The following BRSK2 variants were observed in gnomAD, a reference collection of about 807,000 sequenced individuals.
The protein encoded by BRSK2 is BR serine/threonine kinase 2.
Under a neutral mutation model 83.3 loss-of-function variants are expected in BRSK2, and 19 were observed. The ratio of observed to expected loss-of-function variants is 0.23; its 90% confidence interval spans 0.16 to 0.33. The LOEUF is 0.33. BRSK2 is among the 10% of genes least tolerant of loss of function. The pLI, the probability that BRSK2 is intolerant of heterozygous loss-of-function variation, is 1.00. For missense variants in BRSK2, 798 were observed against 1,042.3 expected (o/e 0.77, Z 3.23); for synonymous variants, 519 against 435.4 (o/e 1.19, Z -2.39).
chr11:1,396,270 ACCC>A (rs1846101738), intron 1 of BRSK2, among the ~76,000 whole-genome samples: 2 of 137,460 alleles, frequency 1.5e-5, no homozygotes, highest in Admixed American at 7.1e-5. Context: ...CTTCCCTTCC[ACCC>A]ACGTCCCCCA....
intron 1 of BRSK2, among the ~76,000 whole-genome samples, chr11:1,392,672 G>A (rs2134003463): frequency 6.6e-6 from 1 of 152,276 alleles, no homozygotes; most frequent in South Asian, 2.1e-4. Context: ...TGTGGGGAGG[G>A]GAGACCACGC....
chr11:1,411,596 A>G, intron 1 of BRSK2: 1 of 1,579,386 alleles, frequency 6.3e-7, no homozygotes, highest in African/African-American at 1.3e-5. Context: ...ACCTTCCTCA[A>G]GGCCAGACCT....
intron 1 of BRSK2, among the ~76,000 whole-genome samples, chr11:1,406,294 T>C (rs2134079919): frequency 6.6e-6 from 1 of 152,240 alleles, no homozygotes; most frequent in Admixed American, 6.5e-5. Context: ...AAACCCCATC[T>C]CTACTAAAAA....
chr11:1,450,436 C>T lies in BRSK2; in HGVS notation c.1288-151C>T, dbSNP rs957081380. On this transcript the variant is annotated intron_variant, in intron 13 of 19. Coordinates refer to ENST00000528841, the MANE Select transcript of BRSK2 (RefSeq NM_001256627.2). ...AGCCTCTGCAGGGCACCAAGTCCAACCCCTTCCCGGCCAGCACCCCAGCCC... is the reference window on the plus strand; with the variant it reads ...AGCCTCTGCAGGGCACCAAGTCCAATCCCTTCCCGGCCAGCACCCCAGCCC... The T allele has an allele frequency of 2.5e-5, 14 of 570,250 alleles. No individual in the cohort carries two copies. The African/African-American group carries it at 2.5e-4, about 10-fold the overall frequency. 35.3% of individuals were successfully genotyped at this position (570,250 alleles called of 1,614,324 possible). A position where few individuals can be genotyped will look rare whatever the true frequency, so the allele number is the denominator to read the frequency against.
rs750623215 is a variant in BRSK2, at chr11:1,450,782, C to T, written c.1483C>T (p.Arg495Trp). 6.9e-6 allele frequency: 11 copies of T among 1,594,428 alleles called. No individual in the cohort carries two copies. The highest frequency in any genetic ancestry group is 1.4e-5 in the African/African-American group (1 of 73,742). ...SFLGSPRFHR[R>W]KLQVPTPEEM... Reference sequence around the variant, plus strand: ...TCTGGGCTCACCCCGCTTCCACCGCCGGAAACTGCAAGGTGAGTGTCTGCC... The same window carrying T: ...TCTGGGCTCACCCCGCTTCCACCGCTGGAAACTGCAAGGTGAGTGTCTGCC... Residue 495 changes from arginine to tryptophan, a missense_variant, in exon 14 of 20, where the codon CGG (arginine) becomes TGG (tryptophan). Physicochemically the swap from Arg to Trp is moderately radical, Grantham distance 101 (BLOSUM62 -3). This residue lies in a region of BRSK2 where 455 missense variants were observed against 455.2 expected (regional missense o/e 1.00). Coordinates refer to ENST00000528841, the MANE Select transcript of BRSK2 (RefSeq NM_001256627.2).
intron 1 of BRSK2, among the ~76,000 whole-genome samples, chr11:1,399,899 G>A (rs957934520): frequency 4.3e-5 from 2 of 46,916 alleles, no homozygotes; most frequent in Non-Finnish European, 8.1e-5. Flanking sequence ...GGGTCCTGGT[G>A]TTTTCACATA....
Position 1,459,183 on chromosome 11 carries a change from G to C in BRSK2, c.1940-9G>C. ...ACTCCCTCCCTCCTCTCTCCATTCT[G>C]TACTCCAGACACCACTAACTGTATG... On this transcript the variant is annotated splice_polypyrimidine_tract_variant and intron_variant, in intron 18 of 19. Coordinates refer to ENST00000528841, the MANE Select transcript of BRSK2 (RefSeq NM_001256627.2). 6.2e-7 allele frequency: 1 copy of C among 1,613,574 alleles called. No individual in the cohort carries two copies. Among genetic ancestry groups the C allele is most frequent in the Non-Finnish European group, 8.5e-7 (1 of 1,179,688 alleles).
At chr11:1,450,820 A>C (rs61869028) in intron 14 of BRSK2, 26 bp downstream of exon 14, 8 of 1,569,758 alleles carry the variant, frequency 5.1e-6, no homozygotes, top group Non-Finnish European at 6.0e-6. Flanking sequence ...GAGGCGCCAG[A>C]GTGGGGCTGG....
At chr11:1,415,234 A>G (rs1188036533) in intron 1 of BRSK2, among the ~76,000 whole-genome samples, 1 of 151,456 alleles carries the variant, frequency 6.6e-6, no homozygotes, top group Non-Finnish European at 1.5e-5. Context: ...AGCTGGGACT[A>G]CAGGCGCTCA....
chr11:1,453,600 C>T (rs1251637298), intron 15 of BRSK2, among the ~76,000 whole-genome samples: 1 of 152,192 alleles, frequency 6.6e-6, no homozygotes, highest in African/African-American at 2.4e-5. Context: ...GACCTGGTCC[C>T]CGTGCTTGTC....
rs746594483 is a variant in BRSK2 at position 1,438,679 on chromosome 11, GT to G, written c.272+291del. On this transcript the variant is annotated intron_variant, in intron 3 of 19. Coordinates refer to ENST00000528841, the MANE Select transcript of BRSK2 (RefSeq NM_001256627.2). This position sits in a 1 kb window ranked among gnomAD's most constrained non-coding sequence, Gnocchi z 6.4. ...AGGACCTTCTGGAGGGGAGATAGGA[GT>G]TTCAGGGCAAGGGGCAGGAGCACCT... 1.1e-4 allele frequency among the ~76,000 whole-genome samples: 16 copies of G among 152,148 alleles called. No homozygotes were observed. Among genetic ancestry groups the G allele is most frequent in the Non-Finnish European group, 2.1e-4 (14 of 67,992 alleles).
chr11:1,398,306 G>A (rs1029341315), intron 1 of BRSK2, among the ~76,000 whole-genome samples: 3 of 152,180 alleles, frequency 2.0e-5, no homozygotes, highest in African/African-American at 7.2e-5. Flanking sequence ...TGCTGCCTGA[G>A]CTGCCTGGTT....
At chr11:1,429,123 G>A (rs941553877) in intron 1 of BRSK2, among the ~76,000 whole-genome samples, 3 of 147,054 alleles carry the variant, frequency 2.0e-5, no homozygotes, top group African/African-American at 7.6e-5. Flanking sequence ...GTGGGTGTGT[G>A]CACTGGGTGT....
In BRSK2 at chr11:1,438,311, G is replaced by A. The variant is rs1590535902; in HGVS notation, c.192G>A (p.Glu64=). 1.9e-6 allele frequency: 3 copies of A among 1,613,836 alleles called. No individual in the cohort carries two copies. The highest frequency in any genetic ancestry group is 2.5e-6 in the Non-Finnish European group (3 of 1,179,852). ...CTCTGGCCTCTCCCATGCAGGTGGAGCGGGAGATCGCGATCCTGAAGCTCA... is the reference window on the plus strand; with the variant it reads ...CTCTGGCCTCTCCCATGCAGGTGGAACGGGAGATCGCGATCCTGAAGCTCA... ...KLSESVLMKV[E]REIAILKLIE... is the part of the protein sequence containing the mutation. The change falls in exon 3 of 20, where the codon GAG becomes GAA. Residue 64 remains glutamate (E), a synonymous_variant. Transcript: ENST00000528841. The surrounding 1 kb of genome is among the most constrained non-coding windows in gnomAD (Gnocchi z 6.4).
intron 1 of BRSK2, among the ~76,000 whole-genome samples, chr11:1,401,429 C>T (rs1217729298): frequency 1.3e-5 from 2 of 152,238 alleles, no homozygotes; most frequent in African/African-American, 4.8e-5. Flanking sequence ...GTCGCTCTTC[C>T]AGTCCCCCAC....
intron 19 of BRSK2, among the ~76,000 whole-genome samples, chr11:1,460,162 G>A (rs929301004): frequency 8.5e-5 from 13 of 152,240 alleles, no homozygotes; most frequent in South Asian, 2.1e-4. Context: ...CACCTGCCCC[G>A]AGCCTCGCTT....
chr11:1,460,454 T>C (rs7395046), intron 19 of BRSK2, 46 bp from the exon 20 acceptor site: 9 of 1,133,478 alleles, frequency 7.9e-6, no homozygotes, highest in Non-Finnish European at 9.9e-6. Flanking sequence ...CTTTTTTTTC[T>C]TTTTTCCTTT....
rs1264568419 is a variant in BRSK2 at position 1,443,449 on chromosome 11, C to T, written c.634-40C>T. On this transcript the variant is annotated intron_variant, in intron 7 of 19. Transcript: ENST00000528841. Reference sequence around the variant, plus strand: ...ACCCTGCCCTGGCCTCTCCCCAAACCTGCCCCCCCACGCTGACCCCCACAC... The same window carrying T: ...ACCCTGCCCTGGCCTCTCCCCAAACTTGCCCCCCCACGCTGACCCCCACAC... The T allele has an allele frequency of 5.1e-6, 8 of 1,576,600 alleles. No homozygotes were observed. The Admixed American group carries it at 7.3e-5, about 14-fold the overall frequency.
chr11:1,456,606 C>G lies in BRSK2; in HGVS notation c.1858C>G (p.Arg620Gly). 6.2e-7 allele frequency: 1 copy of G among 1,610,776 alleles called. No homozygotes were observed. The highest frequency in any genetic ancestry group is 8.5e-7 in the Non-Finnish European group (1 of 1,179,288). The change falls in exon 18 of 20, where the codon CGT (arginine) becomes GGT (glycine). Residue 620 changes from arginine to glycine, a missense_variant. Arg to Gly is a moderately radical substitution (Grantham distance 125). Coordinates refer to ENST00000528841, the MANE Select transcript of BRSK2 (RefSeq NM_001256627.2). Reference protein sequence around the residue: ...VTFTLLSGPSRRFKRVVETIQ... With the variant: ...VTFTLLSGPSGRFKRVVETIQ... Reference sequence around the variant, plus strand: ...CCCCCTGTCTCCCCTAGGCCCCAGCCGTCGCTTCAAGAGGGTGGTGGAGAC... The same window carrying G: ...CCCCCTGTCTCCCCTAGGCCCCAGCGGTCGCTTCAAGAGGGTGGTGGAGAC...
Sources: gnomAD v4.1 joint callset for allele counts (sites outside exome capture counted in the v4.1 genomes callset) on GRCh38, gnomAD v4.1.1 for gene constraint, gnomAD v4.1.1 regional missense constraint, Gnocchi (gnomAD v3.1) non-coding constraint, MANE v1.5 for transcripts, NCBI Gene and HGNC (gene_info 2026-07-23, HGNC 2026-07-21) for gene names.